NRG3: variants seen among roughly 807,000 people sequenced by gnomAD.
The protein encoded by NRG3 is pro-neuregulin-3, membrane-bound isoform.
In NRG3, 31 loss-of-function variants were observed where a neutral mutation model predicts 66.9. The observed-to-expected ratio is 0.46, with a 90% CI of 0.35 to 0.63. NRG3 has a LOEUF of 0.63. Among genes scored for constraint, NRG3 ranks in the 20% least tolerant of loss-of-function variants. NRG3 has a pLI of 0.00. For missense variants in NRG3, 910 were observed against 878.9 expected, an observed-to-expected ratio of 1.04 and a Z score of -0.45; for synonymous variants, 393 against 359.4, an observed-to-expected ratio of 1.09 and a Z score of -1.06.
At chr10:82,491,316 A>ATATATATATATATATATAC (rs1389375279) in intron 2 of NRG3, among the ~76,000 whole-genome samples, 29 of 136,738 alleles carry the variant, frequency 2.1e-4, no homozygotes, top group East Asian at 4.1e-4. Context: ...ATATATATAT[A>ATATATATATATATATATAC]AAATAAAGAT....
intron 1 of NRG3, among the ~76,000 whole-genome samples, chr10:81,876,374 G>A (rs1841649404): frequency 6.6e-6 from 1 of 152,178 alleles, no homozygotes; most frequent in Non-Finnish European, 1.5e-5. Context: ...GTAGGAACGG[G>A]AGGGAGATTG....
chr10:81,928,941 C>A (rs552715669), intron 1 of NRG3, among the ~76,000 whole-genome samples: 1 of 152,216 alleles, frequency 6.6e-6, no homozygotes, highest in Admixed American at 6.5e-5. Flanking sequence ...CCCACCTGAG[C>A]CTTCCAAGTA....
At chr10:82,222,650 T>C (rs1192287110) in intron 1 of NRG3, among the ~76,000 whole-genome samples, 1 of 152,172 alleles carries the variant, frequency 6.6e-6, no homozygotes, top group Non-Finnish European at 1.5e-5. Flanking sequence ...GTTTGGGTTC[T>C]CCTTTTAAGA....
intron 1 of NRG3, among the ~76,000 whole-genome samples, chr10:82,056,345 T>A (rs1237920062): frequency 7.9e-5 from 12 of 151,892 alleles, no homozygotes; most frequent in Admixed American, 6.6e-4. Flanking sequence ...AAAAAAAAAA[T>A]TAGTGTTATG....
chr10:82,788,368 G>A (rs1395435554), intron 3 of NRG3, among the ~76,000 whole-genome samples: 2 of 152,080 alleles, frequency 1.3e-5, no homozygotes, highest in South Asian at 2.1e-4. Context: ...TCAGGAGTTC[G>A]AGACTAGCCT....
chr10:82,386,916 C>G (rs1476052208), intron 2 of NRG3, among the ~76,000 whole-genome samples: 1 of 152,180 alleles, frequency 6.6e-6, no homozygotes, highest in Non-Finnish European at 1.5e-5. Flanking sequence ...TCTCCTGCCT[C>G]AGCCTCTGGA....
intron 2 of NRG3, among the ~76,000 whole-genome samples, chr10:82,469,967 A>G (rs965113559): frequency 1.3e-5 from 2 of 152,150 alleles, no homozygotes; most frequent in African/African-American, 4.8e-5. Flanking sequence ...CTTTCATCCC[A>G]TCTCACCTAG....
chr10:82,846,431 CA>C (rs1299559026), intron 3 of NRG3, among the ~76,000 whole-genome samples: 17 of 152,200 alleles, frequency 1.1e-4, no homozygotes, highest in African/African-American at 4.1e-4. Flanking sequence ...TATTAAAATA[CA>C]TTTTAAAAAA....
intron 4 of NRG3, among the ~76,000 whole-genome samples, chr10:82,937,796 C>A (rs1167417209): frequency 6.6e-6 from 1 of 152,084 alleles, no homozygotes; most frequent in Non-Finnish European, 1.5e-5. Context: ...TCTATTTGGG[C>A]ATATTGTTAG....
chr10:82,136,098 T>C (rs2069325610), intron 1 of NRG3, among the ~76,000 whole-genome samples: 1 of 152,168 alleles, frequency 6.6e-6, no homozygotes, highest in Non-Finnish European at 1.5e-5. Flanking sequence ...ACTTGCAGAT[T>C]CACAGAGGTA....
chr10:82,398,667 G>A (rs7073175), intron 2 of NRG3, among the ~76,000 whole-genome samples: 62,383 of 151,694 alleles, frequency 0.41, 15,882 homozygotes, highest in African/African-American at 0.72. Context: ...TTCAGAAAAC[G>A]GGAAAGGTAA....
At chr10:82,527,182 A>T (rs533932208) in intron 2 of NRG3, among the ~76,000 whole-genome samples, 1 of 152,256 alleles carries the variant, frequency 6.6e-6, no homozygotes, top group South Asian at 2.1e-4. Flanking sequence ...CAAAAAAAAA[A>T]TTCTATACAA....
chr10:81,992,521 G>A (rs1026170281), intron 1 of NRG3, among the ~76,000 whole-genome samples: 15 of 152,158 alleles, frequency 9.9e-5, no homozygotes, highest in Non-Finnish European at 1.9e-4. Context: ...GTTCTCTTAA[G>A]CTCACAATGA....
chr10:82,233,831 C>A (rs896109985), intron 1 of NRG3, among the ~76,000 whole-genome samples: 1 of 152,124 alleles, frequency 6.6e-6, no homozygotes, highest in Admixed American at 6.5e-5. Context: ...CATTTAAGAA[C>A]CTTTTAACCA....
chr10:82,816,518 C>A (rs973685121), intron 3 of NRG3, among the ~76,000 whole-genome samples: 14 of 152,200 alleles, frequency 9.2e-5, no homozygotes, highest in African/African-American at 3.4e-4. Context: ...GGAGGAAATG[C>A]ATGCTGATTG....
chr10:82,389,217 C>G (rs1448356979), intron 2 of NRG3, among the ~76,000 whole-genome samples: 1 of 152,138 alleles, frequency 6.6e-6, no homozygotes, highest in East Asian at 1.9e-4. Context: ...CGAGAGAATG[C>G]AAATCAGAAT....
chr10:82,174,481 CT>C (rs2133144742), intron 1 of NRG3, among the ~76,000 whole-genome samples: 1 of 152,188 alleles, frequency 6.6e-6, no homozygotes, highest in South Asian at 2.1e-4. Flanking sequence ...GCCCTTCGCT[CT>C]GACAATTACA....
intron 4 of NRG3, among the ~76,000 whole-genome samples, chr10:82,875,067 G>T (rs1440946152): frequency 6.6e-6 from 1 of 152,170 alleles, no homozygotes; most frequent in Non-Finnish European, 1.5e-5. Flanking sequence ...CACTTAGCTG[G>T]TCATTGTATT....
At chr10:82,669,803 C>T (rs2053111454) in intron 2 of NRG3, among the ~76,000 whole-genome samples, 1 of 151,940 alleles carries the variant, frequency 6.6e-6, no homozygotes, top group Non-Finnish European at 1.5e-5. Flanking sequence ...TGGTGGGCGC[C>T]TGTAGTCCCA....
Sources: allele counts gnomAD v4.1 joint callset (sites outside exome capture counted in the v4.1 genomes callset), GRCh38; gene constraint gnomAD v4.1.1; transcripts MANE v1.5; gene names NCBI Gene and HGNC (gene_info 2026-07-23, HGNC 2026-07-21).